RPGRIP1L: variants seen among roughly 807,000 people sequenced by gnomAD.
RPGRIP1L encodes protein fantom.
Under a neutral mutation model 160.4 loss-of-function variants are expected in RPGRIP1L, and 131 were observed. That is an observed-to-expected ratio of 0.82 (90% confidence interval 0.71 to 0.94). The LOEUF (loss-of-function observed/expected upper bound fraction) is 0.94. Among genes scored for constraint, RPGRIP1L ranks in the 40% least tolerant of loss-of-function variants. The pLI, the probability that RPGRIP1L is intolerant of heterozygous loss-of-function variation, is 0.00. For missense variants in RPGRIP1L, 1,522 were observed against 1,535.8 expected (o/e 0.99, Z 0.15); for synonymous variants, 510 against 515.8 (o/e 0.99, Z 0.15).
intron 10 of RPGRIP1L, among the ~76,000 whole-genome samples, chr16:53,662,085 G>C (rs1047962800): frequency 6.6e-6 from 1 of 152,074 alleles, no homozygotes; most frequent in African/African-American, 2.4e-5. Flanking sequence ...CTTATGATTT[G>C]ACAAAAAGCA....
intron 9 of RPGRIP1L, among the ~76,000 whole-genome samples, chr16:53,670,381 G>C (rs1387950107): frequency 6.6e-6 from 1 of 152,210 alleles, no homozygotes; most frequent in Non-Finnish European, 1.5e-5. Flanking sequence ...TTGAATATCA[G>C]CTATAACATA....
At position 53,687,936 on chromosome 16, in the gene RPGRIP1L, C is replaced by A; in HGVS notation, c.559G>T (p.Glu187Ter). The A allele has an allele frequency of 6.2e-7, 1 of 1,608,840 alleles. No individual in the cohort carries two copies. ...GIKFQDADVA[E>*]TPHPMFTKYG... Reference sequence around the variant, plus strand: ...TTTGTAAACATGGGATGTGGAGTTTCTGCTACATCTGCATCTTGGAATTTT... The same window carrying A: ...TTTGTAAACATGGGATGTGGAGTTTATGCTACATCTGCATCTTGGAATTTT... The change falls in exon 5 of 27, where the codon GAA becomes TAA. Residue 187 changes from glutamate (E) to a stop codon, truncating the protein, a stop_gained. Coordinates refer to ENST00000647211, the MANE Select transcript of RPGRIP1L (RefSeq NM_015272.5). LOFTEE classifies it high-confidence loss of function.
intron 26 of RPGRIP1L, among the ~76,000 whole-genome samples, chr16:53,605,036 C>T (rs187019360): frequency 7.2e-5 from 11 of 152,024 alleles, no homozygotes; most frequent in Admixed American, 1.3e-4. Flanking sequence ...AAAAAATTAG[C>T]CGGGCATGGT....
intron 10 of RPGRIP1L, chr16:53,659,604 T>A (rs1242958311): frequency 3.3e-5 from 5 of 152,184 alleles, no homozygotes; most frequent in African/African-American, 1.2e-4. Context: ...TCATATGGGT[T>A]GGGCATCGTG....
At chr16:53,662,901 A>T (rs371725269) in intron 10 of RPGRIP1L, among the ~76,000 whole-genome samples, 1 of 152,086 alleles carries the variant, frequency 6.6e-6, no homozygotes, top group East Asian at 1.9e-4. Context: ...GAAGCTATTT[A>T]AATATTCAAT....
chr16:53,688,974 C>T (rs2151330599), intron 4 of RPGRIP1L, among the ~76,000 whole-genome samples: 1 of 151,494 alleles, frequency 6.6e-6, no homozygotes, highest in East Asian at 1.9e-4. Flanking sequence ...CCTACATATA[C>T]CATGAAAAAA....
At chr16:53,700,393 A>G (rs1281365641) in intron 2 of RPGRIP1L, among the ~76,000 whole-genome samples, 1 of 152,216 alleles carries the variant, frequency 6.6e-6, no homozygotes, top group Non-Finnish European at 1.5e-5. Context: ...GAATTTTAAA[A>G]AGATGATTTA....
chr16:53,696,101 T>G lies in RPGRIP1L; in HGVS notation c.230+50A>C, dbSNP rs200852206. On this transcript the variant is annotated intron_variant, in intron 3 of 26. Coordinates refer to ENST00000647211, the MANE Select transcript of RPGRIP1L (RefSeq NM_015272.5). ...ATTAAGTTTATAAAATACCATACCC[T>G]CCAAATTTTACTGAGTCAAGAAAAA... is the stretch of plus-strand genomic sequence containing the variant. The G allele has an allele frequency of 3.3e-4, 526 of 1,580,124 alleles. 3 individuals are homozygous for G. The African/African-American group carries it at 6.1e-3, about 18-fold the overall frequency.
At chr16:53,603,393 A>C (rs1963488130) in intron 26 of RPGRIP1L, among the ~76,000 whole-genome samples, 2 of 152,098 alleles carry the variant, frequency 1.3e-5, no homozygotes, top group Admixed American at 1.3e-4. Context: ...CAGTGGTGCA[A>C]TCTGGGCTCG....
chr16:53,687,862 C>G lies in RPGRIP1L; in HGVS notation c.632+1G>C. 6.3e-7 allele frequency: 1 copy of G among 1,574,874 alleles called. No individual in the cohort carries two copies. Among genetic ancestry groups the G allele is most frequent in the Non-Finnish European group, 8.7e-7 (1 of 1,145,002 alleles). Reference sequence around the variant, plus strand: ...AAATTACCACAAAAAAGAACACATACAAATTTCTTATTTCTCCTCTGGCTT... The same window carrying G: ...AAATTACCACAAAAAAGAACACATAGAAATTTCTTATTTCTCCTCTGGCTT... On this transcript the variant is annotated splice_donor_variant, in intron 5 of 26. Coordinates refer to ENST00000647211, the MANE Select transcript of RPGRIP1L (RefSeq NM_015272.5). LOFTEE classifies it high-confidence loss of function.
At chr16:53,631,924 T>G (rs748947172) in intron 22 of RPGRIP1L, among the ~76,000 whole-genome samples, 21 of 152,202 alleles carry the variant, frequency 1.4e-4, no homozygotes, top group Non-Finnish European at 2.4e-4. Flanking sequence ...ATCCAGCCAC[T>G]AAACTTTATG....
At chr16:53,614,442 T>C (rs955216826) in intron 24 of RPGRIP1L, among the ~76,000 whole-genome samples, 4 of 152,218 alleles carry the variant, frequency 2.6e-5, no homozygotes, top group African/African-American at 9.6e-5. Flanking sequence ...AATTTGTAAT[T>C]CTAACATGTT....
chr16:53,656,816 T>G (rs1315972345), intron 13 of RPGRIP1L, among the ~76,000 whole-genome samples: 1 of 152,218 alleles, frequency 6.6e-6, no homozygotes. Flanking sequence ...TGTGTTTTCA[T>G]TTTGTTAAAA....
At chr16:53,684,113 G>T (rs1054192252) in intron 6 of RPGRIP1L, among the ~76,000 whole-genome samples, 2 of 152,180 alleles carry the variant, frequency 1.3e-5, no homozygotes, top group African/African-American at 4.8e-5. Context: ...GAGAGGATGT[G>T]GAGAAATAGG....
At chr16:53,641,191 A>T (rs1163533708) in intron 18 of RPGRIP1L, 75 bp from the exon 19 acceptor site, 2 of 1,511,256 alleles carry the variant, frequency 1.3e-6, no homozygotes, top group Non-Finnish European at 1.8e-6. Flanking sequence ...AGCTATTATT[A>T]TTATTTTTTT....
chr16:53,652,042 A>G (rs1966860676), intron 15 of RPGRIP1L, among the ~76,000 whole-genome samples: 1 of 152,180 alleles, frequency 6.6e-6, no homozygotes, highest in South Asian at 2.1e-4. Context: ...CAAGTTTTAA[A>G]AAATTAATAG....
At chr16:53,618,259 C>T (rs531445608) in intron 24 of RPGRIP1L, among the ~76,000 whole-genome samples, 29 of 152,292 alleles carry the variant, frequency 1.9e-4, no homozygotes, top group African/African-American at 6.7e-4. Context: ...CAATTAAAAT[C>T]TTGAACATCT....
chr16:53,634,865 A>G (rs1567817123), intron 22 of RPGRIP1L, among the ~76,000 whole-genome samples: 1 of 152,202 alleles, frequency 6.6e-6, no homozygotes, highest in African/African-American at 2.4e-5. Context: ...CACAAAACAA[A>G]CTAAGGAAAC....
chr16:53,661,276 A>C (rs1967770945), intron 10 of RPGRIP1L, among the ~76,000 whole-genome samples: 1 of 151,690 alleles, frequency 6.6e-6, no homozygotes, highest in South Asian at 2.1e-4. Context: ...CAGCCTGGGC[A>C]ACAGAGCGAC....
Sources: gnomAD v4.1 joint callset for allele counts (sites outside exome capture counted in the v4.1 genomes callset) on GRCh38, gnomAD v4.1.1 for gene constraint, MANE v1.5 for transcripts, NCBI Gene and HGNC (gene_info 2026-07-23, HGNC 2026-07-21) for gene names.